The following DAPK2 variants were observed in gnomAD, a reference collection of about 807,000 sequenced individuals.
The protein encoded by DAPK2 is death-associated protein kinase 2.
A neutral mutation model predicts 44.1 loss-of-function variants in DAPK2; 35 were observed. The observed-to-expected ratio is 0.79, with a 90% CI of 0.61 to 1.05. DAPK2 has a LOEUF of 1.05. Among genes scored for constraint, DAPK2 ranks in the 50% least tolerant of loss-of-function variants. The probability of loss-of-function intolerance (pLI) is 0.00; values close to 1 mark genes in which losing one functional copy is unlikely to be tolerated. For missense variants in DAPK2, 453 were observed against 483.2 expected, an observed-to-expected ratio of 0.94 and a Z score of 0.59; for synonymous variants, 174 against 182.6, an observed-to-expected ratio of 0.95 and a Z score of 0.38.
chr15:63,979,767 T>A (rs1296582946), intron 2 of DAPK2, among the ~76,000 whole-genome samples: 1 of 151,422 alleles, frequency 6.6e-6, no homozygotes, highest in Non-Finnish European at 1.5e-5. Context: ...ACAAAAAAAA[T>A]TAGCCAGGCA....
intron 10 of DAPK2, among the ~76,000 whole-genome samples, chr15:63,910,369 C>T (rs936122870): frequency 6.6e-6 from 1 of 152,188 alleles, no homozygotes; most frequent in African/African-American, 2.4e-5. Flanking sequence ...TCTTAGGCAC[C>T]CACCTCCCAG....
At chr15:64,038,288 C>T (rs903883466) in intron 1 of DAPK2, among the ~76,000 whole-genome samples, 2 of 152,198 alleles carry the variant, frequency 1.3e-5, no homozygotes, top group African/African-American at 4.8e-5. Context: ...CCACAGTACT[C>T]AGCACAGACC....
At chr15:64,042,827 T>C (rs146218915), upstream of DAPK2, among the ~76,000 whole-genome samples, 630 of 152,320 alleles carry the variant, frequency 4.1e-3, 5 homozygotes, top group African/African-American at 0.015. This position sits in a 1 kb window ranked among gnomAD's most constrained non-coding sequence, Gnocchi z 4.7. Context: ...AGAGTGGGCA[T>C]AACTACCCAC....
In DAPK2 at chr15:64,020,467, T is replaced by A. The variant is rs890390871; in HGVS notation, c.92+19703A>T. ...TGATTAAGGTGATACCATGGCATCATCAATTCTCTTGCCTCTTGCTGTCAT... is the reference window on the plus strand; with the variant it reads ...TGATTAAGGTGATACCATGGCATCAACAATTCTCTTGCCTCTTGCTGTCAT... On this transcript the variant is annotated intron_variant, in intron 1 of 10. Coordinates refer to ENST00000261891, the Ensembl canonical transcript of DAPK2. The surrounding 1 kb of genome is among the most constrained non-coding windows in gnomAD (Gnocchi z 4.5). Among the ~76,000 whole-genome samples the A allele has an allele frequency of 1.3e-5, 2 of 152,204 alleles. No individual in the cohort carries two copies. Among genetic ancestry groups the A allele is most frequent in the Non-Finnish European group, 2.9e-5 (2 of 68,038 alleles).
chr15:63,956,770 G>A (rs574609203), intron 3 of DAPK2, among the ~76,000 whole-genome samples: 1 of 152,132 alleles, frequency 6.6e-6, no homozygotes, highest in Admixed American at 6.6e-5. Flanking sequence ...TGTATTTTTA[G>A]TAGAGATGGG....
intron 2 of DAPK2, among the ~76,000 whole-genome samples, chr15:63,978,824 T>C (rs1390676789): frequency 6.6e-6 from 1 of 152,196 alleles, no homozygotes; most frequent in Non-Finnish European, 1.5e-5. Context: ...CTCCTAGTGT[T>C]CCCAGGATCA....
upstream of DAPK2, among the ~76,000 whole-genome samples, chr15:64,042,628 G>A (rs944934858): frequency 2.0e-5 from 3 of 152,206 alleles, no homozygotes; most frequent in Non-Finnish European, 4.4e-5. This position sits in a 1 kb window ranked among gnomAD's most constrained non-coding sequence, Gnocchi z 4.7. Flanking sequence ...GGGGGCAGGT[G>A]AGCCCCTTAG....
rs2078956409 is a variant in DAPK2, at chr15:63,917,424, TTA to T, written c.859-5229_859-5228del. 1 of 151,552 alleles carries T rather than the reference TTA, an allele frequency of 6.6e-6. No individual in the cohort carries two copies. The highest frequency in any genetic ancestry group is 1.5e-5 in the Non-Finnish European group (1 of 67,938). 9.4% of individuals were successfully genotyped at this position (151,552 alleles called of 1,614,324 possible). A position where few individuals can be genotyped will look rare whatever the true frequency, so the allele number is the denominator to read the frequency against. ...TTAGCAGAGATTTATGCTGGAGAAC[TTA>T]TGAGTTAAATAAGTCTGAAATTTGC... On this transcript the variant is annotated intron_variant, in intron 8 of 10. Coordinates refer to ENST00000261891, the Ensembl canonical transcript of DAPK2. This position sits in a 1 kb window ranked among gnomAD's most constrained non-coding sequence, Gnocchi z 4.4.
chr15:63,957,447 G>T (rs1289234724), intron 3 of DAPK2, among the ~76,000 whole-genome samples: 1 of 151,818 alleles, frequency 6.6e-6, no homozygotes, highest in Non-Finnish European at 1.5e-5. Flanking sequence ...ATGTTGGTAT[G>T]CTGCACCCGT....
chr15:63,920,812 T>C (rs1166459781), intron 8 of DAPK2: 1 of 152,410 alleles, frequency 6.6e-6, no homozygotes, highest in East Asian at 1.9e-4. Flanking sequence ...ATTTCCGCAC[T>C]GTATTCCTAT....
At chr15:63,959,289 A>G (rs2077818371) in intron 3 of DAPK2, among the ~76,000 whole-genome samples, 1 of 152,154 alleles carries the variant, frequency 6.6e-6, no homozygotes, top group African/African-American at 2.4e-5. Flanking sequence ...ATACAATCGT[A>G]TCATCTGCAA....
At chr15:63,981,671 C>A (rs1385137454) in intron 2 of DAPK2, among the ~76,000 whole-genome samples, 2 of 150,006 alleles carry the variant, frequency 1.3e-5, no homozygotes, top group Admixed American at 1.3e-4. Flanking sequence ...TTTTTTTCCT[C>A]CCCATAATAA....
chr15:63,938,551 C>G (rs1049623575), intron 4 of DAPK2, among the ~76,000 whole-genome samples: 1 of 152,214 alleles, frequency 6.6e-6, no homozygotes, highest in Non-Finnish European at 1.5e-5. Flanking sequence ...CTCCCTATCT[C>G]CAAGACCACT....
intron 1 of DAPK2, among the ~76,000 whole-genome samples, chr15:64,005,530 C>G (rs58578622): frequency 6.6e-6 from 1 of 151,870 alleles, no homozygotes. Context: ...GGGAGGACAG[C>G]CATGTGCCCT....
At chr15:63,911,934 CCTT>C in exon 10 of DAPK2, 1 of 1,613,926 alleles carries the variant, frequency 6.2e-7, no homozygotes, top group Non-Finnish European at 8.5e-7. Flanking sequence ...CTCAGGTGCA[CCTT>C]CTTCATCAGC....
chr15:63,936,582 TG>T (rs2077158412), intron 4 of DAPK2, among the ~76,000 whole-genome samples: 3 of 152,078 alleles, frequency 2.0e-5, no homozygotes, highest in Admixed American at 6.5e-5. Flanking sequence ...CTGCACTCCA[TG>T]GGTGACAGAG....
chr15:63,973,742 G>T (rs759462676), intron 2 of DAPK2, among the ~76,000 whole-genome samples: 1 of 152,170 alleles, frequency 6.6e-6, no homozygotes, highest in Non-Finnish European at 1.5e-5. Context: ...CATTAATTGG[G>T]GTGGGGGGCA....
intron 5 of DAPK2, 117 bp from the exon 7 acceptor site, chr15:63,929,694 G>C: frequency 8.2e-7 from 1 of 1,222,776 alleles, no homozygotes; most frequent in Middle Eastern, 1.9e-4. Context: ...GCAGACCCTG[G>C]ATGCCGTCTC....
intron 4 of DAPK2, chr15:63,932,572 T>C (rs1049392839): frequency 6.6e-6 from 1 of 151,906 alleles, no homozygotes; most frequent in African/African-American, 2.4e-5. Flanking sequence ...ATGACACTTT[T>C]TAAAAGCTTG....
Sources: gnomAD v4.1 joint callset for allele counts (sites outside exome capture counted in the v4.1 genomes callset) on GRCh38, gnomAD v4.1.1 for gene constraint, Gnocchi (gnomAD v3.1) non-coding constraint, MANE v1.5 for transcripts, NCBI Gene and HGNC (gene_info 2026-07-23, HGNC 2026-07-21) for gene names.